Variants in JCAD observed in about 807,000 individuals in gnomAD.
The protein encoded by JCAD is junctional cadherin 5 associated, also known as junctional cadherin 5-associated protein.
In JCAD, 40 loss-of-function variants were observed where a neutral mutation model predicts 98.0. The observed-to-expected ratio is 0.41, with a 90% CI of 0.32 to 0.53. The LOEUF is 0.53. JCAD is among the 20% of genes least tolerant of loss of function. JCAD has a pLI of 0.31. For missense variants in JCAD, 1,705 were observed against 1,738.1 expected (o/e 0.98, Z 0.34); for synonymous variants, 691 against 682.3 (o/e 1.01, Z -0.20).
chr10:30,067,783 G>A (rs1367368735), intron 2 of JCAD, among the ~76,000 whole-genome samples: 1 of 152,202 alleles, frequency 6.6e-6, no homozygotes, highest in Non-Finnish European at 1.5e-5. Context: ...TACGTTCTGA[G>A]AATTGTGTTG....
Position 30,014,926 on chromosome 10 carries a change from G to A in JCAD, c.*2957C>T, listed in dbSNP as rs1178354801. The A allele has an allele frequency of 6.6e-6, 1 of 152,190 alleles. No homozygotes were observed. The highest frequency in any genetic ancestry group is 2.4e-5 in the African/African-American group (1 of 41,444). 9.4% of individuals were successfully genotyped at this position (152,190 alleles called of 1,614,324 possible). On this transcript the variant is annotated 3_prime_UTR_variant, in exon 4 of 4. Transcript: ENST00000375377. Reference sequence around the variant, plus strand: ...AGGGACTTTAAAAGAAGAAATCCAAGCAGTTATGCACATGGACATAATCCT... The same window carrying A: ...AGGGACTTTAAAAGAAGAAATCCAAACAGTTATGCACATGGACATAATCCT...
At chr10:30,085,254 C>G (rs1288681705) in intron 1 of JCAD, among the ~76,000 whole-genome samples, 6 of 152,042 alleles carry the variant, frequency 3.9e-5, no homozygotes, top group African/African-American at 1.2e-4. Context: ...AGGGGAAAAG[C>G]AGGCTTACGT....
rs1338685748 is a variant in JCAD at position 30,092,051 on chromosome 10, AAAAAAAAAAAAAAAT to A, written n.129-22245_129-22231del. Among the ~76,000 whole-genome samples, 97 of 35,630 alleles carry A rather than the reference AAAAAAAAAAAAAAAT, an allele frequency of 2.7e-3. 1 individual carries two copies. Among genetic ancestry groups the A allele is most frequent in the East Asian group, 5.6e-3 (7 of 1,250 alleles). The allele number at this position is 35,630 out of a possible 152,430, so 23.4% of individuals were successfully genotyped here. A position where few individuals can be genotyped will look rare whatever the true frequency, so the allele number is the denominator to read the frequency against. ...CCCCACCACAAAAAAAAAAAAAAAA[AAAAAAAAAAAAAAAT>A]ATATATATATATATATATATATAAA... On this transcript the variant is annotated intron_variant and non_coding_transcript_variant, in intron 1 of 2. Coordinates refer to the JCAD transcript ENST00000465712.
intron 1 of JCAD, among the ~76,000 whole-genome samples, chr10:30,103,105 C>G (rs1838499057): frequency 6.6e-6 from 1 of 152,172 alleles, no homozygotes; most frequent in South Asian, 2.1e-4. Flanking sequence ...TAACATCCTC[C>G]CAGTTCATAT....
chr10:30,033,793 G>A (rs1459467318), intron 2 of JCAD, among the ~76,000 whole-genome samples: 1 of 152,182 alleles, frequency 6.6e-6, no homozygotes, highest in Non-Finnish European at 1.5e-5. Flanking sequence ...CTGGGGCCTG[G>A]GCTGCAGGAG....
chr10:30,059,642 G>T, upstream of JCAD: 1 of 152,500 alleles, frequency 6.6e-6, no homozygotes, highest in South Asian at 1.8e-4. The surrounding 1 kb of genome is among the most constrained non-coding windows in gnomAD (Gnocchi z 5.0). Context: ...CACCGCCCGG[G>T]GCTGCCTCCT....
At chr10:30,070,537 G>A (rs1034972388) in intron 1 of JCAD, among the ~76,000 whole-genome samples, 15 of 152,316 alleles carry the variant, frequency 9.8e-5, no homozygotes, top group African/African-American at 3.1e-4. Context: ...TGAATTATTT[G>A]TCCGCATCTT....
At chr10:30,091,079 T>TA (rs1838254694) in intron 1 of JCAD, among the ~76,000 whole-genome samples, 1 of 152,208 alleles carries the variant, frequency 6.6e-6, no homozygotes, top group African/African-American at 2.4e-5. Context: ...AACAACATGG[T>TA]AACTTAAAGA....
At chr10:30,098,974 C>T (rs984975578) in intron 1 of JCAD, among the ~76,000 whole-genome samples, 2 of 152,140 alleles carry the variant, frequency 1.3e-5, no homozygotes, top group Non-Finnish European at 2.9e-5. Flanking sequence ...TATCTGATAG[C>T]CTCTGAGCTC....
At position 30,016,353 on chromosome 10, in the gene JCAD, G is replaced by C. The variant is rs1836533517; in HGVS notation, c.*1530C>G. Reference sequence around the variant, plus strand: ...AAGGAGGACAGGGTGAAGGAAGGAGGGCAAGAGGTAGCAAGGGAGGGAGGA... The same window carrying C: ...AAGGAGGACAGGGTGAAGGAAGGAGCGCAAGAGGTAGCAAGGGAGGGAGGA... On this transcript the variant is annotated 3_prime_UTR_variant, in exon 4 of 4. Coordinates refer to ENST00000375377, the MANE Select transcript of JCAD (RefSeq NM_020848.4). 6.7e-6 allele frequency: 1 copy of C among 148,884 alleles called. No individual in the cohort carries two copies. The highest frequency in any genetic ancestry group is 2.3e-4 in the South Asian group (1 of 4,438). 9.2% of individuals were successfully genotyped at this position (148,884 alleles called of 1,614,324 possible).
At chr10:30,038,955 T>C (rs1216073493) in intron 2 of JCAD, among the ~76,000 whole-genome samples, 3 of 152,108 alleles carry the variant, frequency 2.0e-5, no homozygotes, top group African/African-American at 7.2e-5. Context: ...CTGAACAACA[T>C]CCTTCCTGCA....
In JCAD at chr10:30,096,727, G is replaced by A. The variant is rs567603707; in HGVS notation, n.128+18640C>T. ...ATAAATTGATGAAGGCTCAGGTGGC[G>A]TCATGGAATGTCTCAAATAGATTAA... On this transcript the variant is annotated intron_variant and non_coding_transcript_variant, in intron 1 of 2. Coordinates refer to the JCAD transcript ENST00000465712. Among the ~76,000 whole-genome samples the A allele has an allele frequency of 4.6e-5, 7 of 151,814 alleles. No individual in the cohort carries two copies. In the East Asian group the frequency reaches 7.7e-4, roughly 17 times the overall value.
At chr10:30,048,319 G>A (rs368493289) in intron 1 of JCAD, among the ~76,000 whole-genome samples, 3 of 152,152 alleles carry the variant, frequency 2.0e-5, no homozygotes, top group South Asian at 2.1e-4. Flanking sequence ...CTTAGGACAC[G>A]CCCCTGCTTT....
At chr10:30,087,880 C>T (rs1424907068) in intron 1 of JCAD, among the ~76,000 whole-genome samples, 1 of 152,198 alleles carries the variant, frequency 6.6e-6, no homozygotes, top group East Asian at 1.9e-4. Flanking sequence ...CTCACTCTGT[C>T]GCCAGGCTGG....
At chr10:30,085,417 A>G (rs1161571141) in intron 1 of JCAD, among the ~76,000 whole-genome samples, 8 of 152,174 alleles carry the variant, frequency 5.3e-5, no homozygotes, top group Non-Finnish European at 1.5e-5. Context: ...TCTGCTTCCA[A>G]TAAATTTGTC....
intron 1 of JCAD, among the ~76,000 whole-genome samples, chr10:30,058,742 G>A (rs557882954): frequency 1.6e-4 from 24 of 152,050 alleles, no homozygotes; most frequent in Non-Finnish European, 2.9e-4. Context: ...CTAGGAGGGC[G>A]GGTTCCAGAT....
intron 1 of JCAD, among the ~76,000 whole-genome samples, chr10:30,076,741 C>G (rs570785559): frequency 2.0e-5 from 3 of 152,250 alleles, no homozygotes; most frequent in South Asian, 4.1e-4. Context: ...AAATAAAACT[C>G]AGCTGTGATG....
At chr10:30,076,250 C>T (rs1420658027) in intron 1 of JCAD, among the ~76,000 whole-genome samples, 1 of 152,140 alleles carries the variant, frequency 6.6e-6, no homozygotes. Context: ...TGGTCTCAAA[C>T]TCCTGACCTC....
rs890558128 is a variant in JCAD at position 30,059,182 on chromosome 10, G to T, written c.-60+300C>A. 7.3e-5 allele frequency among the ~76,000 whole-genome samples: 11 copies of T among 151,682 alleles called. No homozygotes were observed. Among genetic ancestry groups the T allele is most frequent in the African/African-American group, 2.7e-4 (11 of 41,364 alleles). On this transcript the variant is annotated intron_variant, in intron 1 of 3. Transcript: ENST00000375377. This position sits in a 1 kb window ranked among gnomAD's most constrained non-coding sequence, Gnocchi z 5.0. Reference sequence around the variant, plus strand: ...GCGCTAACGCCAGCCGCGGCCCGCGGTGCCCGCCCCGGGACCCCCGCGCTC... The same window carrying T: ...GCGCTAACGCCAGCCGCGGCCCGCGTTGCCCGCCCCGGGACCCCCGCGCTC...
Sources: gnomAD v4.1 joint callset for allele counts (sites outside exome capture counted in the v4.1 genomes callset) on GRCh38, gnomAD v4.1.1 for gene constraint, Gnocchi (gnomAD v3.1) non-coding constraint, MANE v1.5 for transcripts, NCBI Gene and HGNC (gene_info 2026-07-23, HGNC 2026-07-21) for gene names.